The following RAB21 variants were observed in gnomAD, a reference collection of about 807,000 sequenced individuals.
The protein encoded by RAB21 is RAB21, member RAS oncogene family, also known as ras-related protein Rab-21.
A neutral mutation model predicts 33.1 loss-of-function variants in RAB21; 13 were observed. The observed-to-expected ratio is 0.39, with a 90% CI of 0.26 to 0.62. The LOEUF is 0.62. RAB21 is among the 20% of genes least tolerant of loss of function. The pLI is 0.48. For missense variants in RAB21, 234 were observed against 279.1 expected (o/e 0.84, Z 1.15); for synonymous variants, 91 against 103.7 (o/e 0.88, Z 0.74).
chr12:71,769,766 A>G (rs529447505), intron 1 of RAB21, 34 bp from the exon 2 acceptor site: 15 of 1,134,764 alleles, frequency 1.3e-5, no homozygotes, highest in African/African-American at 1.1e-4. Flanking sequence ...TTATTTTATA[A>G]GAAACATTGT....
intron 4 of RAB21, among the ~76,000 whole-genome samples, chr12:71,777,870 G>A (rs1433562789): frequency 8.5e-5 from 13 of 152,106 alleles, no homozygotes; most frequent in Admixed American, 8.5e-4. Context: ...TATAGACCCT[G>A]TCTCTCTCCT....
At chr12:71,777,153 G>A (rs550977187) in intron 4 of RAB21, among the ~76,000 whole-genome samples, 14 of 152,250 alleles carry the variant, frequency 9.2e-5, no homozygotes, top group African/African-American at 3.4e-4. Flanking sequence ...CACGGTGTAA[G>A]CAGTACCTAA....
chr12:71,794,215 C>G lies in RAB21; in HGVS notation c.*8542C>G, dbSNP rs1883427521. On this transcript the variant is annotated 3_prime_UTR_variant, in exon 7 of 7. Transcript: ENST00000261263. ...CCAGCCTGGACGACAGAGTGAGGCC[C>G]TGTCTCAAAAAAAGAAAAAAGAAAA... 6.9e-6 allele frequency: 1 copy of G among 144,832 alleles called. No homozygotes were observed. The allele number at this position is 144,832 out of a possible 1,614,324, so 9.0% of individuals were successfully genotyped here. A position where few individuals can be genotyped will look rare whatever the true frequency, so the allele number is the denominator to read the frequency against.
intron 4 of RAB21, among the ~76,000 whole-genome samples, chr12:71,776,963 G>A (rs939602011): frequency 2.6e-5 from 4 of 152,052 alleles, no homozygotes; most frequent in African/African-American, 9.7e-5. Context: ...CATACACGCT[G>A]GTGTTGGAGA....
rs7131764 is a variant in RAB21 at position 71,795,114 on chromosome 12, T to G, written c.*9441T>G. On this transcript the variant is annotated 3_prime_UTR_variant, in exon 7 of 7. Coordinates refer to ENST00000261263, the MANE Select transcript of RAB21 (RefSeq NM_014999.4). ...GTTCAATGATGATTAAGACCACTAG[T>G]CTGGCAAGTGACTTTTATTTGTCCT... 2 of 151,990 alleles carry G rather than the reference T, an allele frequency of 1.3e-5. No individual in the cohort carries two copies. Among genetic ancestry groups the G allele is most frequent in the Non-Finnish European group, 2.9e-5 (2 of 68,004 alleles). The allele number at this position is 151,990 out of a possible 1,614,324, so 9.4% of individuals were successfully genotyped here.
chr12:71,787,905 A>T lies in RAB21; in HGVS notation c.*2232A>T, dbSNP rs1883319406. The T allele has an allele frequency of 6.6e-6, 1 of 152,186 alleles. No homozygotes were observed. The highest frequency in any genetic ancestry group is 1.5e-5 in the Non-Finnish European group (1 of 68,028). 9.4% of individuals were successfully genotyped at this position (152,186 alleles called of 1,614,324 possible). A position where few individuals can be genotyped will look rare whatever the true frequency, so the allele number is the denominator to read the frequency against. On this transcript the variant is annotated 3_prime_UTR_variant, in exon 7 of 7. Transcript: ENST00000261263. ...TTGTTTTTGACCTCCTGGCTCTTTCAGACAGAGTGAAGAAAGCTTTTCCAT... is the reference window on the plus strand; with the variant it reads ...TTGTTTTTGACCTCCTGGCTCTTTCTGACAGAGTGAAGAAAGCTTTTCCAT...
At chr12:71,784,638 A>G (rs951310780) in intron 6 of RAB21, among the ~76,000 whole-genome samples, 3 of 152,088 alleles carry the variant, frequency 2.0e-5, no homozygotes, top group South Asian at 2.1e-4. Flanking sequence ...TACGGGGTCT[A>G]TTTCTGGACT....
At chr12:71,777,423 C>T (rs1189207876) in intron 4 of RAB21, among the ~76,000 whole-genome samples, 2 of 152,150 alleles carry the variant, frequency 1.3e-5, no homozygotes, top group Non-Finnish European at 1.5e-5. Flanking sequence ...GAATACTCCA[C>T]AGTTTATCTG....
intron 1 of RAB21, among the ~76,000 whole-genome samples, chr12:71,765,004 A>C (rs945971538): frequency 6.6e-6 from 1 of 152,140 alleles, no homozygotes; most frequent in South Asian, 2.1e-4. Context: ...TGATAGATCT[A>C]TAATGCTTTT....
rs1189718996 is a variant in RAB21 at position 71,796,894 on chromosome 12, TG to T, written c.*11222del. ...AAGTACATAACATTTTAAAGATTTG[TG>T]AGAGGAAAAAAGCATTAGATGCGAT... On this transcript the variant is annotated 3_prime_UTR_variant, in exon 7 of 7. Transcript: ENST00000261263. The T allele has an allele frequency of 6.6e-6, 1 of 152,176 alleles. No homozygotes were observed. The highest frequency in any genetic ancestry group is 1.5e-5 in the Non-Finnish European group (1 of 68,020). The allele number at this position is 152,176 out of a possible 1,614,324, so 9.4% of individuals were successfully genotyped here.
chr12:71,760,407 G>A (rs1201552870), intron 1 of RAB21, among the ~76,000 whole-genome samples: 2 of 152,060 alleles, frequency 1.3e-5, no homozygotes, highest in Non-Finnish European at 2.9e-5. Flanking sequence ...TGATTTCCTC[G>A]CTGATTTGAG....
Position 71,795,208 on chromosome 12 carries a change from G to T in RAB21, c.*9535G>T, listed in dbSNP as rs1207247677. The T allele has an allele frequency of 3.9e-5, 6 of 152,166 alleles. No individual in the cohort carries two copies. Among genetic ancestry groups the T allele is most frequent in the Non-Finnish European group, 7.3e-5 (5 of 68,034 alleles). 9.4% of individuals were successfully genotyped at this position (152,166 alleles called of 1,614,324 possible). ...AGAGAAATAAAAATGAGCAAGATTT[G>T]TGATTCAGAATATTAAAAGTTAAGA... On this transcript the variant is annotated 3_prime_UTR_variant, in exon 7 of 7. Coordinates refer to ENST00000261263, the MANE Select transcript of RAB21 (RefSeq NM_014999.4).
intron 6 of RAB21, among the ~76,000 whole-genome samples, 158 bp from the exon 7 acceptor site, chr12:71,785,373 G>A (rs1883268836): frequency 1.3e-5 from 2 of 152,154 alleles, no homozygotes; most frequent in African/African-American, 4.8e-5. Flanking sequence ...AAAACATGCA[G>A]GTGAAGCTGT....
chr12:71,799,295 T>C lies in RAB21; in HGVS notation c.*13622T>C. On this transcript the variant is annotated 3_prime_UTR_variant, in exon 7 of 7. Transcript: ENST00000261263. ...TTCCCATAGGCTCAACTTAGATTCC[T>C]AAACCCTGCTCCTTCAACCCTTCCA... The C allele has an allele frequency of 6.6e-6, 1 of 152,364 alleles. No individual in the cohort carries two copies. The highest frequency in any genetic ancestry group is 1.5e-5 in the Non-Finnish European group (1 of 68,040). 9.4% of individuals were successfully genotyped at this position (152,364 alleles called of 1,614,324 possible). A position where few individuals can be genotyped will look rare whatever the true frequency, so the allele number is the denominator to read the frequency against.
At chr12:71,764,155 CTG>C (rs1473752645) in intron 1 of RAB21, among the ~76,000 whole-genome samples, 13 of 152,154 alleles carry the variant, frequency 8.5e-5, no homozygotes, top group African/African-American at 2.7e-4. Flanking sequence ...GAGTTCTTTA[CTG>C]AGATGTTGCC....
At chr12:71,777,470 C>A (rs1209278543) in intron 4 of RAB21, among the ~76,000 whole-genome samples, 1 of 152,118 alleles carries the variant, frequency 6.6e-6, no homozygotes, top group African/African-American at 2.4e-5. Context: ...GTTTTTCCCA[C>A]TTCTTGATTT....
At position 71,793,774 on chromosome 12, in the gene RAB21, CAGAA is replaced by C. The variant is rs1427458866; in HGVS notation, c.*8104_*8107del. 1 of 152,154 alleles carries C rather than the reference CAGAA, an allele frequency of 6.6e-6. No homozygotes were observed. Among genetic ancestry groups the C allele is most frequent in the African/African-American group, 2.4e-5 (1 of 41,438 alleles). 9.4% of individuals were successfully genotyped at this position (152,154 alleles called of 1,614,324 possible). A position where few individuals can be genotyped will look rare whatever the true frequency, so the allele number is the denominator to read the frequency against. Reference sequence around the variant, plus strand: ...TTGGGTGAACTTTCTTGAAGATGGTCAGAAAGGGCATTGTTAAAGGAAGGAGATG... The same window carrying C: ...TTGGGTGAACTTTCTTGAAGATGGTCAGGGCATTGTTAAAGGAAGGAGATG... On this transcript the variant is annotated 3_prime_UTR_variant, in exon 7 of 7. Coordinates refer to ENST00000261263, the MANE Select transcript of RAB21 (RefSeq NM_014999.4).
At chr12:71,756,346 T>C (rs1003438196) in intron 1 of RAB21, among the ~76,000 whole-genome samples, 1 of 152,238 alleles carries the variant, frequency 6.6e-6, no homozygotes, top group East Asian at 1.9e-4. Flanking sequence ...ACTGATGACC[T>C]GGTCCAGTGT....
intron 1 of RAB21, among the ~76,000 whole-genome samples, chr12:71,759,971 T>C (rs1038767462): frequency 6.6e-6 from 1 of 152,248 alleles, no homozygotes; most frequent in Non-Finnish European, 1.5e-5. Context: ...AGCCGTCATA[T>C]GTAAAGCTAC....
Sources: allele counts gnomAD v4.1 joint callset (sites outside exome capture counted in the v4.1 genomes callset), GRCh38; gene constraint gnomAD v4.1.1; transcripts MANE v1.5; gene names NCBI Gene and HGNC (gene_info 2026-07-23, HGNC 2026-07-21).